Variants in SIPA1L1 observed in about 807,000 individuals in gnomAD.
The protein encoded by SIPA1L1 is signal-induced proliferation-associated 1-like protein 1.
In SIPA1L1, 26 loss-of-function variants were observed where a neutral mutation model predicts 162.7. That is an observed-to-expected ratio of 0.16 (90% CI 0.12 to 0.22). The LOEUF is 0.22. Among genes scored for constraint, SIPA1L1 ranks in the 10% least tolerant of loss-of-function variants. The pLI is 1.00. For synonymous variants in SIPA1L1, 829 were observed against 837.4 expected (o/e 0.99, Z 0.17); for missense variants, 1,874 against 2,241.0 (o/e 0.84, Z 3.31).
intron 2 of SIPA1L1, among the ~76,000 whole-genome samples, chr14:71,474,262 G>A (rs2047682400): frequency 6.6e-6 from 1 of 152,166 alleles, no homozygotes; most frequent in African/African-American, 2.4e-5. Context: ...GAAGTTAGCT[G>A]GAAAGTGAAT....
chr14:71,398,116 C>T (rs1038083312), intron 2 of SIPA1L1, among the ~76,000 whole-genome samples: 5 of 148,228 alleles, frequency 3.4e-5, no homozygotes, highest in African/African-American at 1.2e-4. Context: ...CCTGGGTTCA[C>T]GCCATTCTCC....
At chr14:71,651,897 G>C (rs2042649721) in intron 8 of SIPA1L1, among the ~76,000 whole-genome samples, 1 of 152,138 alleles carries the variant, frequency 6.6e-6, no homozygotes, top group African/African-American at 2.4e-5. Context: ...AACTGCAAAG[G>C]CTAGAGGGGG....
intron 7 of SIPA1L1, among the ~76,000 whole-genome samples, chr14:71,628,945 A>C (rs2040303024): frequency 6.7e-6 from 1 of 150,200 alleles, no homozygotes; most frequent in Non-Finnish European, 1.5e-5. Context: ...AAAGTAGATG[A>C]TTTTTTTTTT....
intron 2 of SIPA1L1, among the ~76,000 whole-genome samples, chr14:71,393,911 C>T (rs1442019877): frequency 6.6e-6 from 1 of 152,194 alleles, no homozygotes; most frequent in Non-Finnish European, 1.5e-5. Flanking sequence ...ATCTGATATG[C>T]TTAAACAGAA....
intron 4 of SIPA1L1, among the ~76,000 whole-genome samples, chr14:71,548,681 G>C (rs1177977654): frequency 6.6e-6 from 1 of 152,066 alleles, no homozygotes; most frequent in East Asian, 1.9e-4. Flanking sequence ...CGGATCGCTT[G>C]AGGCCAGGAG....
At chr14:71,654,296 T>C (rs978739910) in intron 8 of SIPA1L1, among the ~76,000 whole-genome samples, 1 of 152,204 alleles carries the variant, frequency 6.6e-6, no homozygotes, top group Non-Finnish European at 1.5e-5. Context: ...TTTTTTGTTT[T>C]CTTATTTGGA....
intron 13 of SIPA1L1, among the ~76,000 whole-genome samples, chr14:71,686,636 C>T (rs2080886031): frequency 1.3e-5 from 2 of 152,068 alleles, no homozygotes; most frequent in Admixed American, 6.6e-5. Flanking sequence ...CTCTGCCTCC[C>T]AGGTTCAAGC....
intron 1 of SIPA1L1, among the ~76,000 whole-genome samples, chr14:71,320,708 C>CG (rs1432425145): frequency 6.6e-6 from 1 of 150,634 alleles, no homozygotes; most frequent in Non-Finnish European, 1.5e-5. Flanking sequence ...CCTCATCCCC[C>CG]CCCCGGCAAC....
rs181206595 is a variant in SIPA1L1, at chr14:71,604,033, C to G, written c.1498+14663C>G. On this transcript the variant is annotated intron_variant, in intron 5 of 23. Transcript: ENST00000381232. ...TTTTTTTGAGACAAAGTTTTGCTCT[C>G]TCAACCAGACTAGAGTGTAGAGGCC... Among the ~76,000 whole-genome samples, 6 of 138,508 alleles carry G rather than the reference C, an allele frequency of 4.3e-5. No individual in the cohort carries two copies. In the East Asian group the frequency reaches 1.2e-3, roughly 28 times the overall value. 90.9% of individuals were successfully genotyped at this position (138,508 alleles called of 152,430 possible).
intron 18 of SIPA1L1, 109 bp downstream of exon 18, chr14:71,723,995 C>T: frequency 1.5e-6 from 2 of 1,309,932 alleles, no homozygotes; most frequent in Non-Finnish European, 2.1e-6. Context: ...AGGGGGTTGG[C>T]AGGAGTTGGT....
chr14:71,460,991 G>A (rs529955904), intron 2 of SIPA1L1, among the ~76,000 whole-genome samples: 5 of 152,324 alleles, frequency 3.3e-5, no homozygotes, highest in East Asian at 1.9e-4. Flanking sequence ...GCCCACTGTC[G>A]CACTTTGTTA....
At chr14:71,641,307 G>T (rs752184844) in intron 7 of SIPA1L1, among the ~76,000 whole-genome samples, 3 of 151,096 alleles carry the variant, frequency 2.0e-5, no homozygotes, top group Non-Finnish European at 2.9e-5. Context: ...TCAAATATAG[G>T]CTCATAGTAA....
At chr14:71,629,483 C>T (rs1414571813) in intron 7 of SIPA1L1, among the ~76,000 whole-genome samples, 1 of 152,196 alleles carries the variant, frequency 6.6e-6, no homozygotes, top group Non-Finnish European at 1.5e-5. Flanking sequence ...TCTTTTCCCT[C>T]CCCATGAATG....
At chr14:71,509,736 C>T (rs1397650680) in intron 2 of SIPA1L1, among the ~76,000 whole-genome samples, 2 of 139,984 alleles carry the variant, frequency 1.4e-5, no homozygotes, top group Non-Finnish European at 3.0e-5. Context: ...AAGAGTGAAA[C>T]TCCATCTCAA....
At chr14:71,445,221 T>C (rs1252707667) in intron 2 of SIPA1L1, among the ~76,000 whole-genome samples, 2 of 152,146 alleles carry the variant, frequency 1.3e-5, no homozygotes, top group African/African-American at 4.8e-5. Context: ...GAAGGAAAAC[T>C]TTGTTCTTTC....
chr14:71,674,336 C>T (rs546211417), intron 12 of SIPA1L1, among the ~76,000 whole-genome samples: 3 of 152,024 alleles, frequency 2.0e-5, no homozygotes, highest in Non-Finnish European at 4.4e-5. Context: ...ATAGCTGTTA[C>T]TAGAAAGATG....
intron 2 of SIPA1L1, among the ~76,000 whole-genome samples, chr14:71,440,728 A>AAT (rs1025056497): frequency 2.2e-4 from 34 of 151,918 alleles, no homozygotes; most frequent in East Asian, 7.7e-4. Context: ...GATAAGAAAG[A>AAT]ATAGTTCAGT....
chr14:71,711,161 A>G (rs756550627), intron 17 of SIPA1L1, among the ~76,000 whole-genome samples: 24 of 152,256 alleles, frequency 1.6e-4, no homozygotes, highest in Non-Finnish European at 3.4e-4. Flanking sequence ...TTCCAAGCAA[A>G]AGGAAATTGG....
intron 2 of SIPA1L1, among the ~76,000 whole-genome samples, chr14:71,423,844 A>G (rs1340454325): frequency 1.3e-5 from 2 of 152,106 alleles, no homozygotes; most frequent in Non-Finnish European, 1.5e-5. Context: ...TTATGCAAAC[A>G]TATCATTGGG....
Sources: gnomAD v4.1 joint callset for allele counts (sites outside exome capture counted in the v4.1 genomes callset) on GRCh38, gnomAD v4.1.1 for gene constraint, MANE v1.5 for transcripts, NCBI Gene and HGNC (gene_info 2026-07-23, HGNC 2026-07-21) for gene names.